The following IL9R variants were observed in gnomAD, a reference collection of about 807,000 sequenced individuals.
IL9R encodes the protein interleukin 9 receptor, also known as interleukin-9 receptor.
In IL9R, 54 loss-of-function variants were observed where a neutral mutation model predicts 56.3. That is an observed-to-expected ratio of 0.96 (90% confidence interval 0.77 to 1.20). The LOEUF (loss-of-function observed/expected upper bound fraction) is 1.20, where lower values mean the gene tolerates loss of function less well. IL9R is among the 50% of genes most tolerant of loss of function. IL9R has a pLI of 0.00. For synonymous variants in IL9R, 212 were observed against 250.2 expected (o/e 0.85, Z 1.44); for missense variants, 545 against 629.8 (o/e 0.87, Z 1.44).
intron 1 of IL9R, 75 bp downstream of exon 1, chrX:155,997,862 C>CCGAGTTGGAGGGCCACA: frequency 7.1e-7 from 1 of 1,414,916 alleles, no homozygotes; most frequent in Non-Finnish European, 1.0e-6. Flanking sequence ...ACATGTGGCC[C>CCGAGTTGGAGGGCCACA]TCCAACTCGG....
chrX:156,009,296 T>TA (rs2068307346), intron 8 of IL9R, among the ~76,000 whole-genome samples: 1 of 109,888 alleles, frequency 9.1e-6, no homozygotes, highest in Non-Finnish European at 1.9e-5. Flanking sequence ...GTGTGTGTGT[T>TA]TATGTGTGTG....
chrX:156,001,335 G>A (rs2067508009), intron 1 of IL9R: 4 of 1,000,504 alleles, frequency 4.0e-6, no homozygotes, highest in Admixed American at 1.7e-5. Flanking sequence ...CCCAGGTCCT[G>A]GTGGTGACTC....
intron 8 of IL9R, among the ~76,000 whole-genome samples, chrX:156,008,477 G>A (rs1356046754): frequency 6.6e-6 from 1 of 152,088 alleles, no homozygotes; most frequent in African/African-American, 2.4e-5. Context: ...CTGGCTCTTG[G>A]CAGAGTCTCC....
At position 156,005,277 on chromosome X, in the gene IL9R, G is replaced by A. The variant is rs1224827496; in HGVS notation, c.580-1G>A. ...CCTGCTAACTGTCCCCACCCCCACA[G>A]CAGGCCCAGCACAGGGATCACATTG... is the stretch of plus-strand genomic sequence containing the variant. On this transcript the variant is annotated splice_acceptor_variant, in intron 5 of 8. Coordinates refer to ENST00000244174, the MANE Select transcript of IL9R (RefSeq NM_002186.3). LOFTEE classifies it high-confidence loss of function. 1.9e-6 allele frequency: 3 copies of A among 1,611,800 alleles called. No individual in the cohort carries two copies. The highest frequency in any genetic ancestry group is 2.2e-4 in the Middle Eastern group (1 of 4,488).
At chrX:156,001,553 G>A in intron 1 of IL9R, 3 of 1,321,936 alleles carry the variant, frequency 2.3e-6, no homozygotes, top group Non-Finnish European at 3.3e-6. Flanking sequence ...CTGTCCTATG[G>A]GTACCTGTAT....
At chrX:156,001,233 A>T in intron 1 of IL9R, 2 of 672,474 alleles carry the variant, frequency 3.0e-6, no homozygotes, top group Non-Finnish European at 5.4e-6. Flanking sequence ...CTGATTCTAC[A>T]TAGATGTGGG....
intron 1 of IL9R, among the ~76,000 whole-genome samples, chrX:156,001,729 A>G (rs1329589530): frequency 6.6e-6 from 1 of 152,120 alleles, no homozygotes; most frequent in African/African-American, 2.4e-5. Flanking sequence ...CCTAGGGGCT[A>G]TCGGTGTACC....
At position 156,010,035 on chromosome X, in the gene IL9R, A is replaced by G. The variant is rs764897491; in HGVS notation, c.1192A>G (p.Thr398Ala). 4 of 1,553,578 alleles carry G rather than the reference A, an allele frequency of 2.6e-6. No homozygotes were observed. In the African/African-American group the frequency reaches 7.1e-5, roughly 28 times the overall value. The change falls in exon 9 of 9, where the codon ACG becomes GCG. Residue 398 changes from threonine to alanine, a missense_variant. Physicochemically the swap from Thr to Ala is moderately conservative, Grantham distance 58. Coordinates refer to ENST00000244174, the MANE Select transcript of IL9R (RefSeq NM_002186.3). ...SSEDVLPAGC[T>A]EWRVQTLAYL... ...AGAGGATGTGCTGCCAGCAGGGTGT[A>G]CGGAGTGGAGGGTACAGACGCTTGC...
At chrX:156,009,274 G>GTGTCTGTGTGTGTT (rs2068299419) in intron 8 of IL9R, among the ~76,000 whole-genome samples, 3 of 111,834 alleles carry the variant, frequency 2.7e-5, no homozygotes, top group Admixed American at 1.6e-4. Context: ...GTTTGTGTGT[G>GTGTCTGTGTGTGTT]TATGTCTGTG....
Position 156,005,451 on chromosome X carries a change from T to C in IL9R, c.753T>C (p.Pro251=). Reference sequence around the variant, plus strand: ...GCCAGTGGAGTGAGTGGAGCCAGCCTGTGTGCTTCCAGGCTCCCCAGAGAC... The same window carrying C: ...GCCAGTGGAGTGAGTGGAGCCAGCCCGTGTGCTTCCAGGCTCCCCAGAGAC... ...YTGQWSEWSQ[P]VCFQAPQRQG... Residue 251 remains proline (P), a synonymous_variant, in exon 6 of 9, where the codon CCT becomes CCC. Transcript: ENST00000244174. 2.5e-6 allele frequency: 4 copies of C among 1,613,058 alleles called. No homozygotes were observed. Among genetic ancestry groups the C allele is most frequent in the Non-Finnish European group, 3.4e-6 (4 of 1,179,824 alleles).
At chrX:156,004,714 C>A (rs2067793388) in intron 5 of IL9R, 149 bp downstream of exon 5, 12 of 766,882 alleles carry the variant, frequency 1.6e-5, no homozygotes, top group Non-Finnish European at 2.6e-5. Flanking sequence ...CACATGCTGG[C>A]ATGCAGATGT....
chrX:156,009,835 G>A lies in IL9R; in HGVS notation c.992G>A (p.Gly331Glu), dbSNP rs377475319. 3 of 1,453,948 alleles carry A rather than the reference G, an allele frequency of 2.1e-6. No individual in the cohort carries two copies. Among genetic ancestry groups the A allele is most frequent in the East Asian group, 3.1e-5 (1 of 32,108 alleles). 90.1% of individuals were successfully genotyped at this position (1,453,948 alleles called of 1,614,324 possible). ...TTCCAGACTTGGATGGGGGCCCACG[G>A]GGCCGGTGTGCTGTTGAGCCAGGAC... ...GNFQTWMGAH[G>E]AGVLLSQDCA... Residue 331 changes from glycine to glutamate, a missense_variant, in exon 9 of 9, where the codon GGG becomes GAG. Transcript: ENST00000244174.
At chrX:156,002,178 C>T (rs2067576317) in intron 1 of IL9R, among the ~76,000 whole-genome samples, 1 of 137,860 alleles carries the variant, frequency 7.3e-6, no homozygotes, top group Non-Finnish European at 1.5e-5. Context: ...CCCGTCTCTA[C>T]TAAAAATACA....
rs149026108 is a variant in IL9R at position 156,003,137 on chromosome X, C to T, written c.142+118C>T. 1,479 of 1,295,434 alleles carry T rather than the reference C, an allele frequency of 1.1e-3. 17 individuals are homozygous for T. The East Asian group carries it at 0.027, about 24-fold the overall frequency. The allele number at this position is 1,295,434 out of a possible 1,614,324, so 80.2% of individuals were successfully genotyped here. On this transcript the variant is annotated intron_variant, in intron 2 of 8. Transcript: ENST00000244174. Reference sequence around the variant, plus strand: ...AGGTTTGGCCCAAACTGTGCTGGGGCATGTCCTCTAGGGGTCAGCCTGGAC... The same window carrying T: ...AGGTTTGGCCCAAACTGTGCTGGGGTATGTCCTCTAGGGGTCAGCCTGGAC...
intron 1 of IL9R, among the ~76,000 whole-genome samples, chrX:155,998,776 G>A (rs1256276701): frequency 2.6e-5 from 4 of 151,990 alleles, no homozygotes; most frequent in Non-Finnish European, 4.4e-5. Flanking sequence ...GATGCAACAT[G>A]ATCAAACAGG....
At chrX:156,001,609 G>A (rs1343772459) in intron 1 of IL9R, 6 of 524,006 alleles carry the variant, frequency 1.1e-5, no homozygotes, top group Admixed American at 3.7e-5. Flanking sequence ...AGTGCCTGCT[G>A]CCCATTGGTT....
In IL9R at chrX:156,006,190, T is replaced by C. The variant is rs1020049869; in HGVS notation, c.887+2T>C. ...CCTCCTGTTCAAGCTGTCGCCCAGG[T>C]AGGTGGCTGATGTGTGCGTGTGTGT... is the stretch of plus-strand genomic sequence containing the variant. On this transcript the variant is annotated splice_donor_variant, in intron 7 of 8. Coordinates refer to ENST00000244174, the MANE Select transcript of IL9R (RefSeq NM_002186.3). LOFTEE classifies it high-confidence loss of function. 6 of 1,177,536 alleles carry C rather than the reference T, an allele frequency of 5.1e-6. No individual in the cohort carries two copies. In the South Asian group the frequency reaches 7.3e-5, roughly 14 times the overall value. 72.9% of individuals were successfully genotyped at this position (1,177,536 alleles called of 1,614,324 possible).
chrX:156,009,264 GTTTGTGTGTGTATGTC>G (rs2068294441), intron 8 of IL9R, among the ~76,000 whole-genome samples: 6 of 44,756 alleles, frequency 1.3e-4, no homozygotes, highest in South Asian at 7.8e-4. Flanking sequence ...GTGTGTGTGT[GTTTGTGTGTGTATGTC>G]TGTGTGTGTG....
intron 3 of IL9R, 50 bp downstream of exon 3, chrX:156,003,610 C>G (rs763964653): frequency 6.2e-7 from 1 of 1,610,914 alleles, no homozygotes; most frequent in Non-Finnish European, 8.5e-7. Flanking sequence ...GGTGAGTTCC[C>G]CAGGATTGAA....
Sources: allele counts gnomAD v4.1 joint callset (sites outside exome capture counted in the v4.1 genomes callset), GRCh38; gene constraint gnomAD v4.1.1; transcripts MANE v1.5; gene names NCBI Gene and HGNC (gene_info 2026-07-23, HGNC 2026-07-21).